The following EYS variants were observed in gnomAD, a reference collection of about 807,000 sequenced individuals.
EYS encodes the protein EGF-like photoreceptor maintenance factor, also known as protein eyes shut homolog.
Under a neutral mutation model 282.1 loss-of-function variants are expected in EYS, and 250 were observed. The observed-to-expected ratio is 0.89, with a 90% confidence interval of 0.80 to 0.98. The LOEUF (loss-of-function observed/expected upper bound fraction) is 0.98. Ranked by LOEUF, EYS falls within the 50% of genes least tolerant of loss-of-function variation. The pLI is 0.00. For missense variants in EYS, 4,016 were observed against 3,709.0 expected (o/e 1.08, Z -2.15); for synonymous variants, 1,355 against 1,282.9 (o/e 1.06, Z -1.20).
At chr6:64,126,520 T>A (rs1188626529) in intron 31 of EYS, among the ~76,000 whole-genome samples, 3 of 152,030 alleles carry the variant, frequency 2.0e-5, no homozygotes, top group African/African-American at 7.2e-5. Flanking sequence ...TACTAATTTG[T>A]TGGCATTTTA....
intron 22 of EYS, among the ~76,000 whole-genome samples, chr6:64,660,860 C>T (rs1257525492): frequency 1.3e-5 from 2 of 152,192 alleles, no homozygotes; most frequent in East Asian, 1.9e-4. Context: ...CTACCAATTA[C>T]TTTCTTCACA....
At chr6:65,585,518 T>C (rs1765015117) in intron 2 of EYS, among the ~76,000 whole-genome samples, 1 of 151,940 alleles carries the variant, frequency 6.6e-6, no homozygotes, top group Non-Finnish European at 1.5e-5. Flanking sequence ...TTATTATTCA[T>C]GTAAAGAATT....
At chr6:65,431,052 ACAGT>A (rs1400989267) in intron 5 of EYS, among the ~76,000 whole-genome samples, 4 of 152,218 alleles carry the variant, frequency 2.6e-5, no homozygotes, top group Admixed American at 6.5e-5. Context: ...GAGTACTGCC[ACAGT>A]CAGGCAGAGC....
Position 65,623,287 on chromosome 6 carries a change from A to G in EYS, c.-333+16491T>C, listed in dbSNP as rs1319175012. The stretch of plus-strand genomic sequence containing the variant: ...GCAGGGGACAGCGAAGTCATCATCC[A>G]GGAGGAACTAACATGAAAAACATTT... On this transcript the variant is annotated intron_variant, in intron 2 of 42. Transcript: ENST00000503581. 2.0e-5 allele frequency among the ~76,000 whole-genome samples: 3 copies of G among 152,302 alleles called. No individual in the cohort carries two copies. The Middle Eastern group carries it at 0.01, about 518-fold the overall frequency.
At chr6:64,950,913 C>A (rs1055608485) in intron 14 of EYS, among the ~76,000 whole-genome samples, 1 of 146,626 alleles carries the variant, frequency 6.8e-6, no homozygotes, top group Non-Finnish European at 1.5e-5. Flanking sequence ...AAAGTTAAGA[C>A]TACAGAGGGC....
chr6:63,997,061 G>A (rs966083599), intron 34 of EYS, among the ~76,000 whole-genome samples: 7 of 152,202 alleles, frequency 4.6e-5, no homozygotes, highest in African/African-American at 1.7e-4. Context: ...AAATTATAAT[G>A]AGTAGAGGCA....
At chr6:63,831,106 A>G (rs1771624095) in intron 36 of EYS, among the ~76,000 whole-genome samples, 3 of 152,374 alleles carry the variant, frequency 2.0e-5, no homozygotes, top group South Asian at 2.1e-4. Flanking sequence ...CAGCCATTGC[A>G]AAAACATGCC....
At chr6:65,648,083 T>G (rs1349149698) in intron 1 of EYS, among the ~76,000 whole-genome samples, 2 of 152,210 alleles carry the variant, frequency 1.3e-5, no homozygotes, top group African/African-American at 4.8e-5. Flanking sequence ...TTGGTGGGAA[T>G]GTAAACTAAT....
intron 22 of EYS, among the ~76,000 whole-genome samples, chr6:64,797,180 G>A (rs986555881): frequency 6.6e-6 from 1 of 151,928 alleles, no homozygotes; most frequent in Non-Finnish European, 1.5e-5. Flanking sequence ...GCAAACAATT[G>A]ACCAAGAAAA....
At chr6:65,411,182 T>G (rs1238049548) in intron 5 of EYS, among the ~76,000 whole-genome samples, 1 of 152,030 alleles carries the variant, frequency 6.6e-6, no homozygotes, top group African/African-American at 2.4e-5. Flanking sequence ...ATTTCTACTC[T>G]CAGATAAAAT....
chr6:64,516,547 T>G (rs187769428), intron 26 of EYS, among the ~76,000 whole-genome samples: 1 of 151,892 alleles, frequency 6.6e-6, no homozygotes, highest in Admixed American at 6.6e-5. Flanking sequence ...GGTAAACAAA[T>G]AATGAATCAT....
At chr6:64,620,117 A>G (rs1767398380) in intron 23 of EYS, among the ~76,000 whole-genome samples, 1 of 152,196 alleles carries the variant, frequency 6.6e-6, no homozygotes, top group South Asian at 2.1e-4. Flanking sequence ...ATGGAATTAG[A>G]TGCTTACAAA....
intron 22 of EYS, among the ~76,000 whole-genome samples, chr6:64,676,244 G>A (rs1329825635): frequency 6.8e-6 from 1 of 148,046 alleles, no homozygotes; most frequent in African/African-American, 2.5e-5. Context: ...GGTAGAGAAA[G>A]CTGTAATTAA....
chr6:65,420,097 T>C (rs1330225496), intron 5 of EYS, among the ~76,000 whole-genome samples: 2 of 151,950 alleles, frequency 1.3e-5, no homozygotes, highest in Non-Finnish European at 2.9e-5. Context: ...TTGCTAAAGA[T>C]TGGAGAAGCT....
chr6:65,597,921 G>A (rs1484801349), intron 2 of EYS, among the ~76,000 whole-genome samples: 1 of 151,852 alleles, frequency 6.6e-6, no homozygotes, highest in Non-Finnish European at 1.5e-5. Flanking sequence ...GGCAACATGG[G>A]AAAACCCTGT....
At chr6:64,205,464 C>T (rs191034763) in intron 31 of EYS, among the ~76,000 whole-genome samples, 35 of 152,222 alleles carry the variant, frequency 2.3e-4, no homozygotes, top group Admixed American at 1.5e-3. Flanking sequence ...CCACTGAAGG[C>T]AGTTTATGTA....
At chr6:65,428,909 G>A (rs955945461) in intron 5 of EYS, among the ~76,000 whole-genome samples, 1 of 151,970 alleles carries the variant, frequency 6.6e-6, no homozygotes. Context: ...TGAGCCGGGC[G>A]TGGTGGCTCA....
At chr6:65,387,946 C>T (rs1172815325) in intron 7 of EYS, among the ~76,000 whole-genome samples, 1 of 151,926 alleles carries the variant, frequency 6.6e-6, no homozygotes, top group Non-Finnish European at 1.5e-5. Context: ...GTCATTGAAC[C>T]TATTCCGCTA....
At chr6:65,641,061 A>G (rs1767259320) in intron 1 of EYS, among the ~76,000 whole-genome samples, 2 of 151,930 alleles carry the variant, frequency 1.3e-5, no homozygotes, top group African/African-American at 4.8e-5. Flanking sequence ...GGTGTTTTTT[A>G]CAGTGTAAAC....
Sources: allele counts gnomAD v4.1 joint callset (sites outside exome capture counted in the v4.1 genomes callset), GRCh38; gene constraint gnomAD v4.1.1; transcripts MANE v1.5; gene names NCBI Gene and HGNC (gene_info 2026-07-23, HGNC 2026-07-21).